The following COL24A1 variants were observed in gnomAD, a reference collection of about 807,000 sequenced individuals.
COL24A1 encodes the protein collagen type XXIV alpha 1 chain.
A neutral mutation model predicts 253.9 loss-of-function variants in COL24A1; 224 were observed. The ratio of observed to expected loss-of-function variants is 0.88; its 90% CI spans 0.79 to 0.99. The LOEUF (loss-of-function observed/expected upper bound fraction) is 0.99, where lower values mean the gene tolerates loss of function less well. COL24A1 is among the 50% of genes least tolerant of loss of function. The pLI is 0.00. For missense variants in COL24A1, 2,131 were observed against 2,068.5 expected, an observed-to-expected ratio of 1.03 and a Z score of -0.59; for synonymous variants, 685 against 673.7, an observed-to-expected ratio of 1.02 and a Z score of -0.26.
intron 24 of COL24A1, among the ~76,000 whole-genome samples, chr1:85,951,746 A>G (rs1353155015): frequency 1.3e-5 from 2 of 152,194 alleles, no homozygotes; most frequent in Non-Finnish European, 2.9e-5. Context: ...AGTGACAGCA[A>G]ATTGATTTTA....
chr1:86,077,045 G>A (rs112240885), intron 7 of COL24A1, among the ~76,000 whole-genome samples: 2 of 152,096 alleles, frequency 1.3e-5, no homozygotes, highest in Admixed American at 6.5e-5. Flanking sequence ...TATCATCAGA[G>A]TGAACAGGCA....
chr1:86,019,786 G>A (rs538369490), intron 18 of COL24A1, among the ~76,000 whole-genome samples: 10 of 152,094 alleles, frequency 6.6e-5, no homozygotes, highest in Admixed American at 3.9e-4. Context: ...GTACAGAAAG[G>A]TGTAAAATGA....
At chr1:85,975,678 C>G (rs904392496) in intron 20 of COL24A1, among the ~76,000 whole-genome samples, 2 of 152,126 alleles carry the variant, frequency 1.3e-5, no homozygotes, top group African/African-American at 2.4e-5. Flanking sequence ...ACATCATGGA[C>G]TTTTGCTCCA....
At chr1:86,057,888 T>C in intron 10 of COL24A1, 43 bp downstream of exon 10, 1 of 1,568,008 alleles carries the variant, frequency 6.4e-7, no homozygotes, top group African/African-American at 1.4e-5. Context: ...CATTCTACTT[T>C]TAGGCAAGCA....
chr1:86,026,772 C>T (rs970249045), intron 14 of COL24A1, among the ~76,000 whole-genome samples: 2 of 152,114 alleles, frequency 1.3e-5, no homozygotes, highest in Non-Finnish European at 2.9e-5. Context: ...CAGGCAGAGG[C>T]TGGAACAGTG....
chr1:86,088,717 G>A (rs1444015884), intron 7 of COL24A1, among the ~76,000 whole-genome samples: 1 of 152,036 alleles, frequency 6.6e-6, no homozygotes, highest in Non-Finnish European at 1.5e-5. Flanking sequence ...CCAGTAAAAT[G>A]AGAACCCCTT....
At chr1:85,985,325 T>G (rs919731701) in intron 20 of COL24A1, among the ~76,000 whole-genome samples, 2 of 151,780 alleles carry the variant, frequency 1.3e-5, no homozygotes, top group Non-Finnish European at 3.0e-5. Flanking sequence ...ATGGCATGGT[T>G]TGGCACTCTA....
rs1286459011 is a variant in COL24A1, at chr1:86,156,358, G to A, written c.39C>T (p.Val13=). The change falls in exon 1 of 60, where the codon GTC becomes GTT. Residue 13 remains valine, a synonymous_variant. Coordinates refer to ENST00000370571, the MANE Select transcript of COL24A1 (RefSeq NM_152890.7). ...LRAHRTRRGK[V]SPTAKTKSLL... is the part of the protein sequence containing the mutation. ...CTACTTACGTTTTTGCCGTGGGGGAGACTTTTCCACGCCTTGTTCTGTGGG... is the reference window on the plus strand; with the variant it reads ...CTACTTACGTTTTTGCCGTGGGGGAAACTTTTCCACGCCTTGTTCTGTGGG... 2 of 1,612,824 alleles carry A rather than the reference G, an allele frequency of 1.2e-6. No individual in the cohort carries two copies. Among genetic ancestry groups the A allele is most frequent in the African/African-American group, 1.3e-5 (1 of 74,854 alleles).
chr1:85,948,395 G>A (rs892311230), intron 24 of COL24A1, among the ~76,000 whole-genome samples: 2 of 150,482 alleles, frequency 1.3e-5, no homozygotes, highest in African/African-American at 4.9e-5. Flanking sequence ...GTGGTAGCGG[G>A]CGCCTGTAGT....
chr1:85,806,589 ATTC>A (rs1671995287), intron 47 of COL24A1, among the ~76,000 whole-genome samples: 1 of 152,248 alleles, frequency 6.6e-6, no homozygotes, highest in Non-Finnish European at 1.5e-5. Context: ...TTCACAAAAC[ATTC>A]TTCTTATTTC....
At chr1:86,040,675 A>G (rs906652020) in intron 12 of COL24A1, among the ~76,000 whole-genome samples, 5 of 151,892 alleles carry the variant, frequency 3.3e-5, no homozygotes, top group Non-Finnish European at 5.9e-5. Context: ...AAAGTCCTGA[A>G]ATCTTCCATA....
intron 12 of COL24A1, among the ~76,000 whole-genome samples, chr1:86,042,872 T>C (rs1276040004): frequency 6.6e-6 from 1 of 152,162 alleles, no homozygotes; most frequent in East Asian, 1.9e-4. Context: ...GCTATATGTA[T>C]ATATAATATA....
chr1:85,780,327 T>G lies in COL24A1; in HGVS notation c.4338+893A>C, dbSNP rs140023277. Among the ~76,000 whole-genome samples the G allele has an allele frequency of 6.5e-3, 983 of 152,288 alleles. 18 individuals carry two copies. The highest frequency in any genetic ancestry group is 6.0e-3 in the Non-Finnish European group (409 of 68,012). On this transcript the variant is annotated intron_variant, in intron 52 of 59. Transcript: ENST00000370571. ...AATAACTTTCAAATAATTCAAAATA[T>G]TAATTCCCTAGATAGAATGAATCTT...
intron 35 of COL24A1, among the ~76,000 whole-genome samples, chr1:85,873,947 A>G (rs1680846344): frequency 1.3e-5 from 2 of 152,194 alleles, no homozygotes; most frequent in South Asian, 4.1e-4. Flanking sequence ...TCTTGATACT[A>G]AAATTATTTA....
At chr1:86,114,630 C>A (rs1705946563) in intron 4 of COL24A1, among the ~76,000 whole-genome samples, 1 of 151,878 alleles carries the variant, frequency 6.6e-6, no homozygotes, top group Non-Finnish European at 1.5e-5. Context: ...TTTGATGTGA[C>A]TATGGACAAC....
At chr1:85,877,732 T>G (rs185775293) in intron 32 of COL24A1, among the ~76,000 whole-genome samples, 249 of 152,360 alleles carry the variant, frequency 1.6e-3, no homozygotes, top group African/African-American at 5.5e-3. Context: ...GCATTCATTC[T>G]TTTATTCTTT....
chr1:86,053,329 C>T (rs1700449295), intron 10 of COL24A1, among the ~76,000 whole-genome samples: 1 of 151,914 alleles, frequency 6.6e-6, no homozygotes, highest in Non-Finnish European at 1.5e-5. Context: ...GTCAGAACTC[C>T]AACATAGCCT....
Position 86,014,955 on chromosome 1 carries a change from G to A in COL24A1, c.2310+2196C>T, listed in dbSNP as rs1013423537. Among the ~76,000 whole-genome samples the A allele has an allele frequency of 3.3e-5, 5 of 151,918 alleles. No homozygotes were observed. The South Asian group carries it at 1.0e-3, about 32-fold the overall frequency. On this transcript the variant is annotated intron_variant, in intron 19 of 59. Coordinates refer to ENST00000370571, the MANE Select transcript of COL24A1 (RefSeq NM_152890.7). Reference sequence around the variant, plus strand: ...TCCTTTCTCTTGCTTAAATATCTTTGGTTAACGCATACAGGATAAAGTCTG... The same window carrying A: ...TCCTTTCTCTTGCTTAAATATCTTTAGTTAACGCATACAGGATAAAGTCTG...
chr1:85,975,806 G>A (rs1692616558), intron 20 of COL24A1, among the ~76,000 whole-genome samples: 1 of 152,214 alleles, frequency 6.6e-6, no homozygotes, highest in African/African-American at 2.4e-5. Context: ...CCCAAAGTGT[G>A]TGAGGGGGAA....
Sources: allele counts gnomAD v4.1 joint callset (sites outside exome capture counted in the v4.1 genomes callset), GRCh38; gene constraint gnomAD v4.1.1; transcripts MANE v1.5; gene names NCBI Gene and HGNC (gene_info 2026-07-23, HGNC 2026-07-21).